The following KIRREL3 variants were observed in gnomAD, a reference collection of about 807,000 sequenced individuals.
KIRREL3 encodes kin of IRRE-like protein 3.
KIRREL3 carries 36 observed loss-of-function variants against 89.7 expected under a neutral mutation model. The observed-to-expected ratio is 0.40, with a 90% CI of 0.31 to 0.53. The LOEUF (loss-of-function observed/expected upper bound fraction) is 0.53, where lower values mean the gene tolerates loss of function less well. Ranked by LOEUF, KIRREL3 falls within the 20% of genes least tolerant of loss-of-function variation. The pLI is 0.49. For synonymous variants in KIRREL3, 445 were observed against 441.4 expected, an observed-to-expected ratio of 1.01 and a Z score of -0.10; for missense variants, 864 against 1,056.6, an observed-to-expected ratio of 0.82 and a Z score of 2.53.
intron 1 of KIRREL3, among the ~76,000 whole-genome samples, chr11:126,960,859 C>G (rs1335032528): frequency 6.6e-6 from 1 of 152,128 alleles, no homozygotes; most frequent in Non-Finnish European, 1.5e-5. Context: ...CTATTGGAAC[C>G]ATTTTTCCAA....
rs537728703 is a variant in KIRREL3, at chr11:126,833,533, C to T, written c.55+166922G>A. ...CTGGCACCCTTTGAATATCAGCAGCCCTCCCTTTGGAGAGCCAGGGAATGG... is the reference window on the plus strand; with the variant it reads ...CTGGCACCCTTTGAATATCAGCAGCTCTCCCTTTGGAGAGCCAGGGAATGG... On this transcript the variant is annotated intron_variant, in intron 1 of 16. Transcript: ENST00000525144. Among the ~76,000 whole-genome samples, 6 of 152,328 alleles carry T rather than the reference C, an allele frequency of 3.9e-5. No individual in the cohort carries two copies. In the South Asian group the frequency reaches 6.2e-4, roughly 16 times the overall value.
intron 1 of KIRREL3, among the ~76,000 whole-genome samples, chr11:126,646,155 C>T (rs891793513): frequency 6.6e-6 from 1 of 152,094 alleles, no homozygotes; most frequent in Admixed American, 6.6e-5. Context: ...TGCAGGTTCG[C>T]GATATGATCG....
intron 1 of KIRREL3, among the ~76,000 whole-genome samples, chr11:126,721,524 C>T (rs1472391829): frequency 6.6e-5 from 5 of 75,268 alleles, no homozygotes; most frequent in Admixed American, 3.1e-4. Context: ...AGTAAAACTC[C>T]GTCTCAAAAA....
At position 126,955,848 on chromosome 11, in the gene KIRREL3, CTGATTG is replaced by C. The variant is rs1395820007; in HGVS notation, c.55+44601_55+44606del. On this transcript the variant is annotated intron_variant, in intron 1 of 16. Transcript: ENST00000525144. The surrounding 1 kb of genome is among the most constrained non-coding windows in gnomAD (Gnocchi z 4.6). ...TGGGTTCTTACTGCCCGTTTCCATT[CTGATTG>C]TATCTGTTTTGATTGGTCAGCACCA... is the stretch of plus-strand genomic sequence containing the variant. 3.3e-5 allele frequency among the ~76,000 whole-genome samples: 5 copies of C among 152,154 alleles called. No individual in the cohort carries two copies. The highest frequency in any genetic ancestry group is 1.2e-4 in the African/African-American group (5 of 41,424).
chr11:126,797,510 C>T lies in KIRREL3; in HGVS notation c.55+202945G>A, dbSNP rs1204853539. Among the ~76,000 whole-genome samples the T allele has an allele frequency of 6.6e-6, 1 of 152,102 alleles. No homozygotes were observed. Among genetic ancestry groups the T allele is most frequent in the Non-Finnish European group, 1.5e-5 (1 of 68,008 alleles). ...GAAGCTAAACTGTCCACACCCTTCT[C>T]CCATGGTGATCCCCAGAAGAAGCTC... On this transcript the variant is annotated intron_variant, in intron 1 of 16. Transcript: ENST00000525144. This position sits in a 1 kb window ranked among gnomAD's most constrained non-coding sequence, Gnocchi z 4.9.
At position 126,838,325 on chromosome 11, in the gene KIRREL3, G is replaced by A. The variant is rs1233704515; in HGVS notation, c.55+162130C>T. ...CTGTGAATTTGGATAGCGAGCCAAA[G>A]GAAAAGAAACTTCAACAAGAAGACT... is the stretch of plus-strand genomic sequence containing the variant. On this transcript the variant is annotated intron_variant, in intron 1 of 16. Transcript: ENST00000525144. Among the ~76,000 whole-genome samples, 10 of 152,272 alleles carry A rather than the reference G, an allele frequency of 6.6e-5. No individual in the cohort carries two copies. In the East Asian group the frequency reaches 1.7e-3, roughly 26 times the overall value.
At position 126,778,695 on chromosome 11, in the gene KIRREL3, C is replaced by T. The variant is rs1033070849; in HGVS notation, c.56-215783G>A. Reference sequence around the variant, plus strand: ...CACATGGCTCTCCAGAAAGGTGGTACCAACATACATTCCCGCTAGTAATGT... The same window carrying T: ...CACATGGCTCTCCAGAAAGGTGGTATCAACATACATTCCCGCTAGTAATGT... On this transcript the variant is annotated intron_variant, in intron 1 of 16. Transcript: ENST00000525144. This position sits in a 1 kb window ranked among gnomAD's most constrained non-coding sequence, Gnocchi z 4.5. 2.6e-5 allele frequency among the ~76,000 whole-genome samples: 4 copies of T among 152,112 alleles called. No individual in the cohort carries two copies. The highest frequency in any genetic ancestry group is 9.7e-5 in the African/African-American group (4 of 41,398).
At chr11:126,435,242 G>A (rs1263810629) in intron 13 of KIRREL3, 26 bp downstream of exon 13, 1 of 1,612,924 alleles carries the variant, frequency 6.2e-7, no homozygotes, top group East Asian at 2.2e-5. Context: ...CCTTCCCAGG[G>A]CCATTCTCAT....
Position 126,870,889 on chromosome 11 carries a change from C to T in KIRREL3, c.55+129566G>A, listed in dbSNP as rs1945086103. ...AAGACCTGGAAGTGGGTTCCCTGCA[C>T]AGAAATTTTCTGCCTACCTTACAGA... On this transcript the variant is annotated intron_variant, in intron 1 of 16. Transcript: ENST00000525144. This position sits in a 1 kb window ranked among gnomAD's most constrained non-coding sequence, Gnocchi z 4.4. 6.6e-6 allele frequency among the ~76,000 whole-genome samples: 1 copy of T among 152,122 alleles called. No individual in the cohort carries two copies. The highest frequency in any genetic ancestry group is 1.9e-4 in the East Asian group (1 of 5,152).
intron 1 of KIRREL3, among the ~76,000 whole-genome samples, chr11:126,980,738 G>C (rs1196642977): frequency 1.3e-5 from 2 of 152,184 alleles, no homozygotes; most frequent in Admixed American, 1.3e-4. Flanking sequence ...TGGGAATATA[G>C]GATGCTCTTT....
Position 126,550,233 on chromosome 11 carries a change from C to G in KIRREL3, c.133+12602G>C, listed in dbSNP as rs1298664471. 1 of 152,210 alleles carries G rather than the reference C, an allele frequency of 6.6e-6. No individual in the cohort carries two copies. Among genetic ancestry groups the G allele is most frequent in the Non-Finnish European group, 1.5e-5 (1 of 68,068 alleles). The allele number at this position is 152,210 out of a possible 1,614,324, so 9.4% of individuals were successfully genotyped here. On this transcript the variant is annotated intron_variant, in intron 2 of 16. Transcript: ENST00000525144. This position sits in a 1 kb window ranked among gnomAD's most constrained non-coding sequence, Gnocchi z 4.9. ...AGTCTTTACACACACTGGTACTTGG[C>G]AGGGATATGGAACCAGATGACCTTT...
intron 1 of KIRREL3, among the ~76,000 whole-genome samples, chr11:126,593,853 G>T (rs1346105787): frequency 6.6e-6 from 1 of 152,104 alleles, no homozygotes; most frequent in Non-Finnish European, 1.5e-5. Flanking sequence ...AGCTGCTCAG[G>T]TTAGCCCATT....
Position 126,527,060 on chromosome 11 carries a change from GGAGA to G in KIRREL3, c.134-377_134-374del, listed in dbSNP as rs376238878. Reference sequence around the variant, plus strand: ...GCAGTCCCACACCAGGGCAGAAACAGGAGAGAGAGAGAGAGACCTCTAGCTAGAA... The same window carrying G: ...GCAGTCCCACACCAGGGCAGAAACAGGAGAGAGAGAGACCTCTAGCTAGAA... On this transcript the variant is annotated intron_variant, in intron 2 of 16. Transcript: ENST00000525144. The surrounding 1 kb of genome is among the most constrained non-coding windows in gnomAD (Gnocchi z 4.2). Among the ~76,000 whole-genome samples the G allele has an allele frequency of 6.6e-6, 1 of 151,908 alleles. No individual in the cohort carries two copies. The highest frequency in any genetic ancestry group is 1.5e-5 in the Non-Finnish European group (1 of 67,948).
chr11:126,555,793 T>G lies in KIRREL3; in HGVS notation c.133+7042A>C, dbSNP rs1939664637. ...TCTCCCTCTATCACTCAGGCTGGAG[T>G]GCAGTGGCACGATCTCGGCTCACTG... On this transcript the variant is annotated intron_variant, in intron 2 of 16. Transcript: ENST00000525144. The surrounding 1 kb of genome is among the most constrained non-coding windows in gnomAD (Gnocchi z 4.2). Among the ~76,000 whole-genome samples the G allele has an allele frequency of 6.7e-6, 1 of 150,242 alleles. No homozygotes were observed. Among genetic ancestry groups the G allele is most frequent in the African/African-American group, 2.5e-5 (1 of 40,752 alleles).
Position 126,953,510 on chromosome 11 carries a change from A to C in KIRREL3, c.55+46945T>G, listed in dbSNP as rs1436872241. On this transcript the variant is annotated intron_variant, in intron 1 of 16. Transcript: ENST00000525144. The surrounding 1 kb of genome is among the most constrained non-coding windows in gnomAD (Gnocchi z 5.2). The stretch of plus-strand genomic sequence containing the variant: ...AAAAAGAATAACTAGAGTTTTGTTC[A>C]TCTTTTCATAATAAACGTGCTGATA... Among the ~76,000 whole-genome samples the C allele has an allele frequency of 6.6e-6, 1 of 152,174 alleles. No individual in the cohort carries two copies. The highest frequency in any genetic ancestry group is 2.4e-5 in the African/African-American group (1 of 41,460).
intron 1 of KIRREL3, among the ~76,000 whole-genome samples, chr11:126,968,939 T>TGGAC (rs1949355633): frequency 6.6e-6 from 1 of 152,180 alleles, no homozygotes; most frequent in African/African-American, 2.4e-5. Flanking sequence ...GGGGCATGAC[T>TGGAC]GGACAACCTC....
At chr11:126,944,623 C>A (rs1305598182) in intron 1 of KIRREL3, among the ~76,000 whole-genome samples, 1 of 152,148 alleles carries the variant, frequency 6.6e-6, no homozygotes. Context: ...GTGGTCCACG[C>A]CTTGAGACTT....
At position 126,710,321 on chromosome 11, in the gene KIRREL3, G is replaced by A. The variant is rs1947706823; in HGVS notation, c.56-147409C>T. ...GACTTCACAAAGCTGAGGAGAGAAGGGAGATAGCTAGCTCAGTGTGGCACC... is the reference window on the plus strand; with the variant it reads ...GACTTCACAAAGCTGAGGAGAGAAGAGAGATAGCTAGCTCAGTGTGGCACC... On this transcript the variant is annotated intron_variant, in intron 1 of 16. Coordinates refer to ENST00000525144, the MANE Select transcript of KIRREL3 (RefSeq NM_032531.4). This position sits in a 1 kb window ranked among gnomAD's most constrained non-coding sequence, Gnocchi z 4.2. 6.6e-6 allele frequency among the ~76,000 whole-genome samples: 1 copy of A among 152,174 alleles called. No homozygotes were observed. Among genetic ancestry groups the A allele is most frequent in the African/African-American group, 2.4e-5 (1 of 41,434 alleles).
chr11:126,831,663 G>A (rs201965245), intron 1 of KIRREL3, among the ~76,000 whole-genome samples: 2 of 152,152 alleles, frequency 1.3e-5, no homozygotes, highest in East Asian at 3.8e-4. Flanking sequence ...CCCAAATTTA[G>A]AAGTTGGAAA....
Sources: gnomAD v4.1 joint callset for allele counts (sites outside exome capture counted in the v4.1 genomes callset) on GRCh38, gnomAD v4.1.1 for gene constraint, Gnocchi (gnomAD v3.1) non-coding constraint, MANE v1.5 for transcripts, NCBI Gene and HGNC (gene_info 2026-07-23, HGNC 2026-07-21) for gene names.